Variants in MACROD2 observed in about 807,000 individuals in gnomAD.
The protein encoded by MACROD2 is ADP-ribose glycohydrolase MACROD2.
Under a neutral mutation model 70.4 loss-of-function variants are expected in MACROD2, and 36 were observed. The observed-to-expected ratio is 0.51, with a 90% CI of 0.39 to 0.68. The LOEUF is 0.68. MACROD2 is among the 30% of genes least tolerant of loss of function. The pLI is 0.00. For synonymous variants in MACROD2, 172 were observed against 178.8 expected (o/e 0.96, Z 0.30); for missense variants, 496 against 538.4 (o/e 0.92, Z 0.78).
At chr20:15,973,739 T>C (rs989911251) in intron 13 of MACROD2, among the ~76,000 whole-genome samples, 2 of 152,138 alleles carry the variant, frequency 1.3e-5, no homozygotes, top group Admixed American at 1.3e-4. Flanking sequence ...GTTAGAAAAA[T>C]GTATATTTGA....
intron 8 of MACROD2, among the ~76,000 whole-genome samples, chr20:15,611,553 A>G (rs2048970037): frequency 6.6e-6 from 1 of 151,872 alleles, no homozygotes; most frequent in African/African-American, 2.4e-5. Context: ...GAAGGACCCT[A>G]TAGTTATTTT....
rs748642509 is a variant in MACROD2 at position 14,247,070 on chromosome 20, A to G, written c.271+161342A>G. ...TGCTCCCAGTTTTTTCTGTCTAACC[A>G]TAAACGAATCTGTGCATTCATAACT... is the stretch of plus-strand genomic sequence containing the variant. On this transcript the variant is annotated intron_variant, in intron 3 of 17. Coordinates refer to ENST00000684519, the MANE Select transcript of MACROD2 (RefSeq NM_001351661.2). Among the ~76,000 whole-genome samples, 190 of 152,352 alleles carry G rather than the reference A, an allele frequency of 1.2e-3. 1 individual carries two copies. Among genetic ancestry groups the G allele is most frequent in the Middle Eastern group, 6.8e-3 (2 of 294 alleles).
At chr20:15,547,136 G>A (rs2048035868) in intron 8 of MACROD2, among the ~76,000 whole-genome samples, 1 of 152,178 alleles carries the variant, frequency 6.6e-6, no homozygotes, top group South Asian at 2.1e-4. Flanking sequence ...AAGCCCATTA[G>A]TGTGGCCTTC....
chr20:14,275,998 G>A (rs2122380401), intron 3 of MACROD2, among the ~76,000 whole-genome samples: 1 of 152,118 alleles, frequency 6.6e-6, no homozygotes, highest in East Asian at 1.9e-4. Flanking sequence ...AGAGGATGTG[G>A]AGAAATAGGA....
In MACROD2 at chr20:15,337,975, A is replaced by G. The variant is rs531846783; in HGVS notation, c.541-93430A>G. 5.3e-5 allele frequency among the ~76,000 whole-genome samples: 8 copies of G among 151,912 alleles called. No homozygotes were observed. In the East Asian group the frequency reaches 1.3e-3, roughly 26 times the overall value. Reference sequence around the variant, plus strand: ...TGTTTACATTTCACGTTAGCCTTTCAGGGAAATCAGGATGATATAAGTTTT... The same window carrying G: ...TGTTTACATTTCACGTTAGCCTTTCGGGGAAATCAGGATGATATAAGTTTT... On this transcript the variant is annotated intron_variant, in intron 6 of 17. Coordinates refer to ENST00000684519, the MANE Select transcript of MACROD2 (RefSeq NM_001351661.2).
chr20:15,931,100 G>A (rs1319843035), intron 10 of MACROD2, among the ~76,000 whole-genome samples: 1 of 152,158 alleles, frequency 6.6e-6, no homozygotes, highest in South Asian at 2.1e-4. Flanking sequence ...GCTTGACTCA[G>A]AGTCCATTTG....
chr20:14,738,979 G>A (rs1390163263), intron 5 of MACROD2, among the ~76,000 whole-genome samples: 1 of 151,898 alleles, frequency 6.6e-6, no homozygotes, highest in Non-Finnish European at 1.5e-5. Flanking sequence ...GAATTAATAG[G>A]AGATACCATT....
At chr20:14,858,963 T>C (rs1348358170) in intron 5 of MACROD2, among the ~76,000 whole-genome samples, 1 of 152,130 alleles carries the variant, frequency 6.6e-6, no homozygotes, top group Non-Finnish European at 1.5e-5. Flanking sequence ...GTAAAGCCTA[T>C]GAGATTAAGT....
At chr20:15,696,678 G>GTTTTTTTTTTTTTTTTTTTTT (rs374403186) in intron 8 of MACROD2, among the ~76,000 whole-genome samples, 1 of 88,756 alleles carries the variant, frequency 1.1e-5, no homozygotes, top group Non-Finnish European at 2.3e-5. Context: ...TAGTCCTGGA[G>GTTTTTTTTTTTTTTTTTTTTT]TTTTTTTTTT....
intron 8 of MACROD2, among the ~76,000 whole-genome samples, chr20:15,500,893 A>T (rs537538731): frequency 4.6e-5 from 7 of 152,326 alleles, no homozygotes; most frequent in African/African-American, 1.7e-4. Flanking sequence ...AATTTAAAGG[A>T]TATCTTAAAT....
chr20:14,705,962 T>A (rs1002599425), intron 5 of MACROD2, among the ~76,000 whole-genome samples: 33 of 152,272 alleles, frequency 2.2e-4, no homozygotes, highest in South Asian at 8.3e-4. Flanking sequence ...TGATTTTTTT[T>A]AATTTTGTGA....
At chr20:14,307,815 T>C (rs1460755781) in intron 3 of MACROD2, among the ~76,000 whole-genome samples, 1 of 152,156 alleles carries the variant, frequency 6.6e-6, no homozygotes, top group Non-Finnish European at 1.5e-5. Context: ...CTTTTCTAGA[T>C]TTTTCTTTTC....
intron 5 of MACROD2, among the ~76,000 whole-genome samples, chr20:15,087,716 A>T (rs1300752549): frequency 6.6e-6 from 1 of 152,040 alleles, no homozygotes; most frequent in Non-Finnish European, 1.5e-5. Context: ...AAAAATTAAA[A>T]TTTTTCATGG....
chr20:15,789,955 G>A (rs1327412993), intron 8 of MACROD2, among the ~76,000 whole-genome samples: 2 of 151,826 alleles, frequency 1.3e-5, no homozygotes, highest in East Asian at 1.9e-4. Flanking sequence ...TTATTAAAAA[G>A]GTATAGCAAA....
At chr20:15,392,166 C>G (rs540097632) in intron 6 of MACROD2, among the ~76,000 whole-genome samples, 1 of 152,166 alleles carries the variant, frequency 6.6e-6, no homozygotes, top group Non-Finnish European at 1.5e-5. Context: ...ATTAAAGGTA[C>G]CATTGCAAGA....
Position 15,974,949 on chromosome 20 carries a change from A to AG in MACROD2, c.985+7321dup, listed in dbSNP as rs554571380. ...AGATAAATGTTGACATAATGAGTAA[A>AG]GGTTATAGTGAAATTAAAAATGAAA... On this transcript the variant is annotated intron_variant, in intron 13 of 17. Transcript: ENST00000684519. Among the ~76,000 whole-genome samples the AG allele has an allele frequency of 2.4e-4, 37 of 152,272 alleles. No homozygotes were observed. In the East Asian group the frequency reaches 5.6e-3, roughly 23 times the overall value.
intron 5 of MACROD2, among the ~76,000 whole-genome samples, chr20:14,839,090 G>A (rs759048632): frequency 3.9e-5 from 6 of 152,078 alleles, no homozygotes; most frequent in African/African-American, 1.2e-4. Flanking sequence ...TTGAAGCAGC[G>A]TAGGGGTCGT....
At chr20:15,006,961 C>A (rs118174673) in intron 5 of MACROD2, among the ~76,000 whole-genome samples, 4,438 of 151,960 alleles carry the variant, frequency 0.029, 86 homozygotes, top group Admixed American at 0.051. Context: ...TAAAAATGAA[C>A]ATAAAGTCTA....
chr20:15,760,820 C>T (rs1413159478), intron 8 of MACROD2, among the ~76,000 whole-genome samples: 2 of 151,762 alleles, frequency 1.3e-5, no homozygotes, highest in Non-Finnish European at 2.9e-5. Context: ...AATTCTATTT[C>T]AATAAAACAA....
Sources: gnomAD v4.1 joint callset for allele counts (sites outside exome capture counted in the v4.1 genomes callset) on GRCh38, gnomAD v4.1.1 for gene constraint, MANE v1.5 for transcripts, NCBI Gene and HGNC (gene_info 2026-07-23, HGNC 2026-07-21) for gene names.